ZC4H2: variants seen among roughly 807,000 people sequenced by gnomAD.
ZC4H2 encodes the protein zinc finger C4H2 domain-containing protein.
For missense variants in ZC4H2, 137 were observed against 173.9 expected (o/e 0.79, Z 1.19); for synonymous variants, 84 against 66.3 (o/e 1.27, Z -1.30).
intron 1 of ZC4H2, among the ~76,000 whole-genome samples, chrX:64,964,856 AGG>A (rs1931530790): frequency 9.0e-6 from 1 of 111,413 alleles, no homozygotes; most frequent in Non-Finnish European, 1.9e-5. Flanking sequence ...GAGGCCAGAA[AGG>A]GAGAAATATA....
chrX:65,031,557 T>C (rs1272649730), intron 1 of ZC4H2, among the ~76,000 whole-genome samples: 1 of 111,311 alleles, frequency 9.0e-6, no homozygotes, highest in Non-Finnish European at 1.9e-5. Flanking sequence ...GAAAAGAAGG[T>C]GAATAAAGAG....
chrX:65,025,080 A>G (rs1299334567), intron 1 of ZC4H2, among the ~76,000 whole-genome samples: 1 of 108,324 alleles, frequency 9.2e-6, no homozygotes, highest in Admixed American at 9.8e-5. Flanking sequence ...TTGAGCTGTC[A>G]TATTTATTTT....
rs1928985450 is a variant in ZC4H2 at position 64,917,479 on chromosome X, T to C, written c.*304A>G. On this transcript the variant is annotated 3_prime_UTR_variant, in exon 5 of 5. Coordinates refer to ENST00000374839, the MANE Select transcript of ZC4H2 (RefSeq NM_018684.4). ...GGCTCCAGGCCTCAGGCACAAGAGA[T>C]AGAGAATCATATCTGAGCCTTTTGC... 1.3e-5 allele frequency: 3 copies of C among 228,794 alleles called. No homozygotes were observed. Among genetic ancestry groups the C allele is most frequent in the East Asian group, 9.6e-5 (1 of 10,393 alleles). The allele number at this position is 228,794 out of a possible 1,213,427, so 18.9% of individuals were successfully genotyped here.
intron 1 of ZC4H2, among the ~76,000 whole-genome samples, chrX:65,013,761 A>G (rs995974421): frequency 8.1e-5 from 9 of 111,787 alleles, no homozygotes; most frequent in Non-Finnish European, 1.7e-4. Context: ...AGAGGACTCA[A>G]TCAAGGTATG....
At chrX:64,999,579 C>T (rs1392913379) in intron 1 of ZC4H2, among the ~76,000 whole-genome samples, 1 of 111,842 alleles carries the variant, frequency 8.9e-6, no homozygotes, top group Non-Finnish European at 1.9e-5. Flanking sequence ...TCCTGGAATG[C>T]CAGCAAGACA....
At chrX:64,988,677 G>C (rs770638472) in intron 1 of ZC4H2, among the ~76,000 whole-genome samples, 15 of 110,566 alleles carry the variant, frequency 1.4e-4, no homozygotes, top group South Asian at 7.6e-4. Context: ...TAGGTTGCCT[G>C]TTCACTCTCA....
chrX:64,949,539 G>A (rs769627144), intron 1 of ZC4H2, among the ~76,000 whole-genome samples: 7 of 111,697 alleles, frequency 6.3e-5, no homozygotes, highest in Non-Finnish European at 1.3e-4. Context: ...GCACCCAGAG[G>A]AAAGGTAAAC....
chrX:64,980,296 G>A (rs546246056), upstream of ZC4H2, among the ~76,000 whole-genome samples: 12 of 111,691 alleles, frequency 1.1e-4, no homozygotes, highest in Middle Eastern at 4.6e-3. Context: ...AGAGAGACCA[G>A]CTATTACAAA....
intron 1 of ZC4H2, among the ~76,000 whole-genome samples, chrX:65,017,385 C>T (rs1229858102): frequency 8.9e-6 from 1 of 112,526 alleles, no homozygotes; most frequent in Non-Finnish European, 1.9e-5. Flanking sequence ...TCAATGAGTA[C>T]TGCATGGTAG....
chrX:64,976,253 C>G, intron 1 of ZC4H2, 72 bp downstream of exon 1: 1 of 1,122,213 alleles, frequency 8.9e-7, no homozygotes, highest in Non-Finnish European at 1.2e-6. Context: ...AACAGCCCAA[C>G]AATAGATAAT....
chrX:65,030,221 C>A lies in ZC4H2; in HGVS notation c.-272+4408G>T, dbSNP rs774278134. Among the ~76,000 whole-genome samples, 3 of 111,376 alleles carry A rather than the reference C, an allele frequency of 2.7e-5. No homozygotes were observed. The East Asian group carries it at 8.5e-4, about 31-fold the overall frequency. ...CAACCTCTGTCTCCTGGGCTTAAGT[C>A]ATCCTCCCACCTCAGCCTCCCGAGT... On this transcript the variant is annotated intron_variant, in intron 1 of 4. Transcript: ENST00000337990.
intron 1 of ZC4H2, among the ~76,000 whole-genome samples, chrX:65,005,518 G>T (rs1443237254): frequency 9.1e-6 from 1 of 109,891 alleles, no homozygotes; most frequent in African/African-American, 3.5e-5. Flanking sequence ...GCAGAAAACT[G>T]AAATTGGACC....
At chrX:64,996,400 C>T (rs1205216666) in intron 1 of ZC4H2, among the ~76,000 whole-genome samples, 4 of 109,198 alleles carry the variant, frequency 3.7e-5, no homozygotes, top group Non-Finnish European at 7.6e-5. Flanking sequence ...CCAGAGTTAC[C>T]ACATTATAAT....
At chrX:64,956,085 C>T (rs1354694789) in intron 1 of ZC4H2, among the ~76,000 whole-genome samples, 1 of 111,982 alleles carries the variant, frequency 8.9e-6, no homozygotes, top group Non-Finnish European at 1.9e-5. Context: ...AAGGCTATGG[C>T]TACACAACAG....
At chrX:65,016,375 T>C (rs945448185) in intron 1 of ZC4H2, among the ~76,000 whole-genome samples, 1 of 111,890 alleles carries the variant, frequency 8.9e-6, no homozygotes, top group Non-Finnish European at 1.9e-5. Context: ...AAGTATTGAT[T>C]GGCCCGCCTG....
At chrX:64,949,769 T>C (rs1930704551) in intron 1 of ZC4H2, among the ~76,000 whole-genome samples, 1 of 111,513 alleles carries the variant, frequency 9.0e-6, no homozygotes, top group Non-Finnish European at 1.9e-5. Flanking sequence ...TATCGGTCCA[T>C]CAATTTTGTT....
At chrX:64,935,945 C>T (rs934489102) in intron 1 of ZC4H2, among the ~76,000 whole-genome samples, 2 of 110,546 alleles carry the variant, frequency 1.8e-5, no homozygotes, top group Non-Finnish European at 3.8e-5. Context: ...CAGAATTAGG[C>T]TTCGGAAGGT....
At chrX:64,944,421 G>A (rs1316576280) in intron 1 of ZC4H2, among the ~76,000 whole-genome samples, 30 of 110,893 alleles carry the variant, frequency 2.7e-4, no homozygotes, top group Non-Finnish European at 9.4e-5. Flanking sequence ...CTCTCTTCTT[G>A]CTTCTAGGGT....
chrX:64,963,051 T>C (rs770978189), intron 1 of ZC4H2, among the ~76,000 whole-genome samples: 1 of 110,622 alleles, frequency 9.0e-6, no homozygotes, highest in Non-Finnish European at 1.9e-5. Flanking sequence ...AAAGCTGCAG[T>C]AATTAAAACA....
Sources: gnomAD v4.1 joint callset for allele counts (sites outside exome capture counted in the v4.1 genomes callset) on GRCh38, gnomAD v4.1.1 for gene constraint, MANE v1.5 for transcripts, NCBI Gene and HGNC (gene_info 2026-07-23, HGNC 2026-07-21) for gene names.